Variants in CACNA1C observed in about 807,000 individuals in gnomAD.
CACNA1C encodes the protein calcium voltage-gated channel subunit alpha1 C.
In CACNA1C, 30 loss-of-function variants were observed where a neutral mutation model predicts 229.0. The observed-to-expected ratio is 0.13, with a 90% CI of 0.10 to 0.18. The LOEUF is 0.18. Ranked by LOEUF, CACNA1C falls within the 10% of genes least tolerant of loss-of-function variation. CACNA1C has a pLI of 1.00. For synonymous variants in CACNA1C, 1,114 were observed against 1,132.5 expected (o/e 0.98, Z 0.33); for missense variants, 1,658 against 2,845.0 (o/e 0.58, Z 9.49).
chr12:2,466,934 C>T (rs978357968), intron 5 of CACNA1C, among the ~76,000 whole-genome samples: 2 of 152,114 alleles, frequency 1.3e-5, no homozygotes, highest in African/African-American at 2.4e-5. Flanking sequence ...CTCATTCTCC[C>T]CTCACTTTCT....
intron 3 of CACNA1C, among the ~76,000 whole-genome samples, chr12:2,412,107 G>A (rs903792317): frequency 6.6e-5 from 10 of 151,312 alleles, no homozygotes; most frequent in South Asian, 2.1e-4. Flanking sequence ...CCCTTAGCTC[G>A]TTACCCCTGT....
intron 45 of CACNA1C, among the ~76,000 whole-genome samples, chr12:2,686,611 C>T (rs1603463693): frequency 6.6e-6 from 1 of 152,368 alleles, no homozygotes; most frequent in Non-Finnish European, 1.5e-5. Flanking sequence ...TGCCTCAGGG[C>T]ACTCAGGAAG....
intron 3 of CACNA1C, among the ~76,000 whole-genome samples, chr12:2,438,262 GGTGGTGGTGGTAATGATAGTGGTAATGA>G (rs2099167474): frequency 6.9e-6 from 1 of 145,732 alleles, no homozygotes; most frequent in African/African-American, 2.6e-5. Context: ...TGATGGTGAT[GGTGGTGGTGGTAATGATAGTGGTAATGA>G]TGGTGGTGGT....
chr12:2,251,226 G>A (rs2075478335), intron 3 of CACNA1C, among the ~76,000 whole-genome samples: 1 of 152,196 alleles, frequency 6.6e-6, no homozygotes, highest in African/African-American at 2.4e-5. Context: ...TAAGGTCATG[G>A]GGGTGAAGGG....
At chr12:2,565,733 T>C (rs987546397) in intron 11 of CACNA1C, among the ~76,000 whole-genome samples, 31 of 152,246 alleles carry the variant, frequency 2.0e-4, no homozygotes, top group African/African-American at 7.5e-4. Context: ...TGCCCATTTT[T>C]CTGAAAGGCA....
chr12:2,353,201 G>C (rs1267865910), intron 3 of CACNA1C, among the ~76,000 whole-genome samples: 1 of 152,126 alleles, frequency 6.6e-6, no homozygotes, highest in Admixed American at 6.5e-5. Context: ...GTGGCCTCAG[G>C]CTGAGTCTGG....
In CACNA1C at chr12:2,488,646, C is replaced by A. The variant is rs913660805; in HGVS notation, c.916+2384C>A. On this transcript the variant is annotated intron_variant, in intron 6 of 46. Coordinates refer to ENST00000399655, the MANE Select transcript of CACNA1C (RefSeq NM_000719.7). The surrounding 1 kb of genome is among the most constrained non-coding windows in gnomAD (Gnocchi z 4.0). ...CCTGCAAGTTCAGAAGAGAAGTAGGCTCCCATCACAGAAATGGCCATGAGC... is the reference window on the plus strand; with the variant it reads ...CCTGCAAGTTCAGAAGAGAAGTAGGATCCCATCACAGAAATGGCCATGAGC... 1.3e-5 allele frequency among the ~76,000 whole-genome samples: 2 copies of A among 152,204 alleles called. No homozygotes were observed. Among genetic ancestry groups the A allele is most frequent in the Non-Finnish European group, 2.9e-5 (2 of 68,030 alleles).
chr12:2,417,221 C>G (rs577924583), intron 3 of CACNA1C, among the ~76,000 whole-genome samples: 1 of 152,320 alleles, frequency 6.6e-6, no homozygotes, highest in Admixed American at 6.5e-5. Context: ...CTCCTTGTAG[C>G]TAGCCCATAC....
chr12:2,643,964 C>T lies in CACNA1C; in HGVS notation c.3913-4511C>T, dbSNP rs777396417. Among the ~76,000 whole-genome samples, 54 of 152,196 alleles carry T rather than the reference C, an allele frequency of 3.5e-4. 1 individual carries two copies. Among genetic ancestry groups the T allele is most frequent in the Non-Finnish European group, 2.4e-4 (16 of 68,034 alleles). On this transcript the variant is annotated intron_variant, in intron 30 of 46. Coordinates refer to ENST00000399655, the MANE Select transcript of CACNA1C (RefSeq NM_000719.7). ...GGTCAAATTGAGATTGGAGGTAGTA[C>T]AAGCGGAGAAGCGGAGCATGGGGAG...
chr12:2,471,289 A>C lies in CACNA1C; in HGVS notation c.757+13583A>C, dbSNP rs138433367. The stretch of plus-strand genomic sequence containing the variant: ...TGATTACTATATGTCTTCTATTTAC[A>C]CATACTTTATAAGTTCCACTCAACA... On this transcript the variant is annotated intron_variant, in intron 5 of 46. Transcript: ENST00000399655. 4.8e-3 allele frequency among the ~76,000 whole-genome samples: 730 copies of C among 152,314 alleles called. 6 individuals carry two copies. Among genetic ancestry groups the C allele is most frequent in the African/African-American group, 0.016 (685 of 41,566 alleles).
At chr12:2,210,047 C>T (rs2097871056) in intron 3 of CACNA1C, among the ~76,000 whole-genome samples, 1 of 152,134 alleles carries the variant, frequency 6.6e-6, no homozygotes, top group South Asian at 2.1e-4. Flanking sequence ...ATCCTTTTCT[C>T]CAGGAGAGGC....
rs58922699 is a variant in CACNA1C at position 2,041,270 on chromosome 12, C to CTTTTTT, written c.139+70088_139+70093dup. ...GGGTCACAGTGATGCTAAGGGTATT[C>CTTTTTT]TTTTTTTTTTTTTTTTTTTTTTTTG... On this transcript the variant is annotated intron_variant, in intron 1 of 46. Transcript: ENST00000682462. Among the ~76,000 whole-genome samples the CTTTTTT allele has an allele frequency of 6.4e-3, 585 of 90,940 alleles. 51 individuals carry two copies. The highest frequency in any genetic ancestry group is 0.015 in the African/African-American group (358 of 23,850). 59.7% of individuals were successfully genotyped at this position (90,940 alleles called of 152,430 possible). A position where few individuals can be genotyped will look rare whatever the true frequency, so the allele number is the denominator to read the frequency against.
intron 9 of CACNA1C, among the ~76,000 whole-genome samples, chr12:2,543,572 A>G (rs1453866310): frequency 2.0e-5 from 3 of 152,234 alleles, no homozygotes; most frequent in African/African-American, 7.2e-5. Context: ...TGCTTATGGG[A>G]TAAACTATCG....
chr12:2,567,902 A>C, intron 13 of CACNA1C, 108 bp downstream of exon 13: 1 of 638,054 alleles, frequency 1.6e-6, no homozygotes, highest in South Asian at 2.0e-5. Context: ...TCTTCCTCAA[A>C]GGGTGTCTCT....
Position 2,479,705 on chromosome 12 carries a change from C to T in CACNA1C, c.758-6399C>T, listed in dbSNP as rs183729902. On this transcript the variant is annotated intron_variant, in intron 5 of 46. Transcript: ENST00000399655. This position sits in a 1 kb window ranked among gnomAD's most constrained non-coding sequence, Gnocchi z 4.3. ...TGCCCCAGTCTTGAAAGTGGGCTGT[C>T]GCCTTAATGCTGGCTTGAAGCACAG... is the stretch of plus-strand genomic sequence containing the variant. Among the ~76,000 whole-genome samples the T allele has an allele frequency of 1.5e-3, 223 of 152,326 alleles. 1 individual carries two copies. Among genetic ancestry groups the T allele is most frequent in the African/African-American group, 5.1e-3 (212 of 41,580 alleles).
Position 2,034,329 on chromosome 12 carries a change from CG to C in CACNA1C, c.139+63129del, listed in dbSNP as rs149110131. Among the ~76,000 whole-genome samples, 2,817 of 152,246 alleles carry C rather than the reference CG, an allele frequency of 0.019. 47 individuals carry two copies. Among genetic ancestry groups the C allele is most frequent in the African/African-American group, 0.035 (1,469 of 41,528 alleles). The stretch of plus-strand genomic sequence containing the variant: ...TGTGTGGAAGGGAGTACACTTTCTC[CG>C]TGAGATGCCAGATAACTGAAAGAGA... On this transcript the variant is annotated intron_variant, in intron 1 of 46. Transcript: ENST00000682462. The surrounding 1 kb of genome is among the most constrained non-coding windows in gnomAD (Gnocchi z 4.1).
chr12:2,591,694 A>G (rs1469768052), intron 18 of CACNA1C, among the ~76,000 whole-genome samples: 2 of 152,216 alleles, frequency 1.3e-5, no homozygotes, highest in Non-Finnish European at 2.9e-5. Flanking sequence ...TTGTCAGCTC[A>G]CTAGGGCTGC....
chr12:2,314,703 A>T (rs1365221662), intron 3 of CACNA1C, among the ~76,000 whole-genome samples: 1 of 152,092 alleles, frequency 6.6e-6, no homozygotes, highest in African/African-American at 2.4e-5. Context: ...TCCATTGTTC[A>T]TGTTCATCAG....
intron 9 of CACNA1C, among the ~76,000 whole-genome samples, chr12:2,537,279 G>C (rs2099858023): frequency 6.6e-6 from 1 of 152,204 alleles, no homozygotes; most frequent in Non-Finnish European, 1.5e-5. Context: ...ATCTACCCGG[G>C]TTCAAATCCT....
Sources: gnomAD v4.1 joint callset for allele counts (sites outside exome capture counted in the v4.1 genomes callset) on GRCh38, gnomAD v4.1.1 for gene constraint, Gnocchi (gnomAD v3.1) non-coding constraint, MANE v1.5 for transcripts, NCBI Gene and HGNC (gene_info 2026-07-23, HGNC 2026-07-21) for gene names.